The following CDK14 variants were observed in gnomAD, a reference collection of about 807,000 sequenced individuals.
The protein encoded by CDK14 is cyclin-dependent kinase 14.
A neutral mutation model predicts 60.7 loss-of-function variants in CDK14; 34 were observed. That is an observed-to-expected ratio of 0.56 (90% CI 0.43 to 0.75). The LOEUF is 0.75. Among genes scored for constraint, CDK14 ranks in the 30% least tolerant of loss-of-function variants. The pLI, the probability that CDK14 is intolerant of heterozygous loss-of-function variation, is 0.00. For synonymous variants in CDK14, 197 were observed against 203.7 expected, an observed-to-expected ratio of 0.97 and a Z score of 0.28; for missense variants, 482 against 564.1, an observed-to-expected ratio of 0.85 and a Z score of 1.47.
rs527380088 is a variant in CDK14, at chr7:90,639,006, A to G, written c.123+34757A>G. On this transcript the variant is annotated intron_variant, in intron 2 of 14. Transcript: ENST00000380050. ...TCAGCTCCTTTAAGCACTTCTCTGTATTGGTTATTCTAGTTATACATTCAT... is the reference window on the plus strand; with the variant it reads ...TCAGCTCCTTTAAGCACTTCTCTGTGTTGGTTATTCTAGTTATACATTCAT... Among the ~76,000 whole-genome samples the G allele has an allele frequency of 2.0e-5, 3 of 151,922 alleles. No individual in the cohort carries two copies. The East Asian group carries it at 5.8e-4, about 29-fold the overall frequency.
At chr7:90,653,285 A>G (rs1037595431) in intron 2 of CDK14, among the ~76,000 whole-genome samples, 2 of 152,034 alleles carry the variant, frequency 1.3e-5, no homozygotes, top group African/African-American at 4.8e-5. Flanking sequence ...CTTCAGCTCT[A>G]AGGCTAGTAG....
intron 12 of CDK14, among the ~76,000 whole-genome samples, chr7:91,108,863 G>T (rs923129738): frequency 7.9e-5 from 12 of 152,198 alleles, no homozygotes; most frequent in African/African-American, 2.9e-4. Context: ...AAGTCTTAAA[G>T]TTAATTTAAT....
chr7:91,084,817 G>A (rs1467010481), intron 12 of CDK14, among the ~76,000 whole-genome samples: 1 of 152,176 alleles, frequency 6.6e-6, no homozygotes, highest in African/African-American at 2.4e-5. Context: ...CAGATTACGT[G>A]TTGGACTCCT....
chr7:91,107,025 A>C (rs1799323897), intron 12 of CDK14, among the ~76,000 whole-genome samples: 1 of 152,214 alleles, frequency 6.6e-6, no homozygotes, highest in Non-Finnish European at 1.5e-5. Flanking sequence ...AAATCAGGAA[A>C]GCATTTTACA....
chr7:90,882,412 T>A (rs528087714), intron 6 of CDK14, among the ~76,000 whole-genome samples: 1 of 152,232 alleles, frequency 6.6e-6, no homozygotes. Flanking sequence ...TAAATATGTA[T>A]GTACCCAATA....
rs145258845 is a variant in CDK14 at position 90,678,999 on chromosome 7, G to C, written c.124-47568G>C. Among the ~76,000 whole-genome samples the C allele has an allele frequency of 1.7e-4, 26 of 152,222 alleles. No homozygotes were observed. The East Asian group carries it at 4.8e-3, about 28-fold the overall frequency. On this transcript the variant is annotated intron_variant, in intron 2 of 14. Coordinates refer to ENST00000380050, the MANE Select transcript of CDK14 (RefSeq NM_001287135.2). ...GGGTCTCACTCTGTTGCCTAGGCTG[G>C]AGTGTAGTAGTGCAAACAAGTCTCA...
intron 2 of CDK14, chr7:90,726,305 C>T: frequency 1.0e-6 from 1 of 983,920 alleles, no homozygotes. Flanking sequence ...TGTTAGGGTA[C>T]TACTAGCAGC....
intron 2 of CDK14, among the ~76,000 whole-genome samples, chr7:90,677,230 T>A (rs2116550015): frequency 6.6e-6 from 1 of 152,304 alleles, no homozygotes; most frequent in South Asian, 2.1e-4. Context: ...TGGTTCGTAG[T>A]CTTGTTTAAG....
At chr7:90,777,464 A>G (rs973617031) in intron 4 of CDK14, among the ~76,000 whole-genome samples, 1 of 152,222 alleles carries the variant, frequency 6.6e-6, no homozygotes, top group Admixed American at 6.5e-5. Flanking sequence ...TAACACAATG[A>G]TTTTCAGTCC....
intron 6 of CDK14, among the ~76,000 whole-genome samples, chr7:90,881,910 C>T (rs548600490): frequency 9.9e-5 from 15 of 152,184 alleles, no homozygotes; most frequent in Admixed American, 3.3e-4. Flanking sequence ...TACCACCACG[C>T]GTGCCCTGCA....
intron 4 of CDK14, among the ~76,000 whole-genome samples, chr7:90,771,192 C>G (rs988227412): frequency 2.6e-5 from 4 of 152,196 alleles, no homozygotes; most frequent in Non-Finnish European, 4.4e-5. Context: ...GTCTTGACAC[C>G]TATCACAATA....
chr7:90,821,830 G>A (rs1032985313), intron 5 of CDK14, among the ~76,000 whole-genome samples: 1 of 152,060 alleles, frequency 6.6e-6, no homozygotes, highest in Non-Finnish European at 1.5e-5. Flanking sequence ...CCTATCTTCA[G>A]TGTCTCCCTC....
chr7:91,182,380 C>G (rs566637862), intron 14 of CDK14, among the ~76,000 whole-genome samples: 2 of 150,508 alleles, frequency 1.3e-5, no homozygotes, highest in African/African-American at 4.9e-5. Flanking sequence ...GTTTTTTTTT[C>G]TTTTTAGGAT....
intron 10 of CDK14, among the ~76,000 whole-genome samples, chr7:91,027,064 G>A (rs1796595272): frequency 6.6e-6 from 1 of 152,090 alleles, no homozygotes; most frequent in African/African-American, 2.4e-5. Context: ...TTAAAGGGTG[G>A]GGAAGAATTA....
At chr7:90,672,124 A>G (rs1313485305) in intron 2 of CDK14, among the ~76,000 whole-genome samples, 2 of 152,212 alleles carry the variant, frequency 1.3e-5, no homozygotes, top group Non-Finnish European at 2.9e-5. Context: ...GAGAATATAG[A>G]ATATGAAGAT....
chr7:91,099,523 A>G (rs376767888), intron 12 of CDK14, among the ~76,000 whole-genome samples: 30 of 152,192 alleles, frequency 2.0e-4, no homozygotes, highest in African/African-American at 7.2e-4. Context: ...AACATTCACT[A>G]ACAATTTACT....
intron 2 of CDK14, among the ~76,000 whole-genome samples, chr7:90,642,403 G>A (rs1469803428): frequency 6.6e-6 from 1 of 151,894 alleles, no homozygotes; most frequent in East Asian, 1.9e-4. Flanking sequence ...CCCTATATAA[G>A]TACTTTCTCA....
chr7:90,933,336 T>G (rs1266314059), intron 8 of CDK14, among the ~76,000 whole-genome samples: 1 of 151,066 alleles, frequency 6.6e-6, no homozygotes, highest in Non-Finnish European at 1.5e-5. Context: ...TACCTTAGGG[T>G]GTAAAGATTT....
intron 5 of CDK14, among the ~76,000 whole-genome samples, chr7:90,860,717 G>T (rs1449268606): frequency 6.6e-6 from 1 of 151,956 alleles, no homozygotes; most frequent in Admixed American, 6.6e-5. Context: ...TAGAGGCGGG[G>T]TTTCACCATG....
Sources: allele counts gnomAD v4.1 joint callset (sites outside exome capture counted in the v4.1 genomes callset), GRCh38; gene constraint gnomAD v4.1.1; transcripts MANE v1.5; gene names NCBI Gene and HGNC (gene_info 2026-07-23, HGNC 2026-07-21).